PTPRB: variants seen among roughly 807,000 people sequenced by gnomAD.
PTPRB encodes protein tyrosine phosphatase receptor type B, also known as receptor-type tyrosine-protein phosphatase beta.
Under a neutral mutation model 238.1 loss-of-function variants are expected in PTPRB, and 97 were observed. The ratio of observed to expected loss-of-function variants is 0.41; its 90% CI spans 0.35 to 0.48. PTPRB has a LOEUF of 0.48. Ranked by LOEUF, PTPRB falls within the 20% of genes least tolerant of loss-of-function variation. The pLI, the probability that PTPRB is intolerant of heterozygous loss-of-function variation, is 0.30. For missense variants in PTPRB, 2,292 were observed against 2,681.9 expected, an observed-to-expected ratio of 0.85 and a Z score of 3.21; for synonymous variants, 970 against 995.4, an observed-to-expected ratio of 0.97 and a Z score of 0.48.
rs747379142 is a variant in PTPRB at position 70,566,421 on chromosome 12, G to T, written c.3904+14C>A. ...GGCAATATGTGCTACAAAACATTATGCTGTGCTAATTACCTGTTCGGCCTT... is the reference window on the plus strand; with the variant it reads ...GGCAATATGTGCTACAAAACATTATTCTGTGCTAATTACCTGTTCGGCCTT... On this transcript the variant is annotated intron_variant, in intron 15 of 33. Coordinates refer to ENST00000334414, the MANE Select transcript of PTPRB (RefSeq NM_001109754.4). The T allele has an allele frequency of 1.9e-5, 31 of 1,612,502 alleles. No individual in the cohort carries two copies. Among genetic ancestry groups the T allele is most frequent in the Non-Finnish European group, 2.5e-5 (29 of 1,179,102 alleles).
intron 18 of PTPRB, 163 bp downstream of exon 18, chr12:70,559,180 T>A: frequency 1.4e-6 from 1 of 729,344 alleles, no homozygotes; most frequent in Non-Finnish European, 2.3e-6. Flanking sequence ...TTGTTGTTAA[T>A]GTTGAATGAA....
Position 70,622,480 on chromosome 12 carries a change from C to T in PTPRB, c.618G>A (p.Glu206=). The T allele has an allele frequency of 6.2e-7, 1 of 1,613,480 alleles. No homozygotes were observed. Among genetic ancestry groups the T allele is most frequent in the South Asian group, 1.1e-5 (1 of 91,074 alleles). Residue 206 remains glutamate (E), a synonymous_variant, in exon 3 of 34, where the codon GAG becomes GAA. Transcript: ENST00000334414. ...TCATGTGCAGATTGGGATGCTGCCT[C>T]TCGCTGCTGTTTTGGCTGTAGTTTT... ...AAENYSQNSS[E]RQHPNLHMTG... is the part of the protein sequence containing the mutation.
At chr12:70,576,345 G>A in intron 11 of PTPRB, 37 bp downstream of exon 11, 3 of 1,597,420 alleles carry the variant, frequency 1.9e-6, no homozygotes, top group Non-Finnish European at 2.6e-6. Flanking sequence ...CATGTGAATT[G>A]GTTCTTACGG....
Position 70,559,228 on chromosome 12 carries a change from C to T in PTPRB, c.4714+115G>A, listed in dbSNP as rs1252983395. ...CAGAGACTTCTGCCTGAATTCAAAT[C>T]CAGACCAATCCCATGTAAAAATATG... is the stretch of plus-strand genomic sequence containing the variant. On this transcript the variant is annotated intron_variant, in intron 18 of 33. Transcript: ENST00000334414. 12 of 1,156,104 alleles carry T rather than the reference C, an allele frequency of 1.0e-5. No homozygotes were observed. In the Admixed American group the frequency reaches 1.3e-4, roughly 12 times the overall value. The allele number at this position is 1,156,104 out of a possible 1,614,324, so 71.6% of individuals were successfully genotyped here.
chr12:70,585,344 T>C (rs11178310), intron 9 of PTPRB: 6,976 of 152,232 alleles, frequency 0.046, 392 homozygotes, highest in East Asian at 0.23. Flanking sequence ...CCTACAACGA[T>C]CCACCTATTG....
chr12:70,538,261 G>A, intron 27 of PTPRB, 30 bp from the exon 28 acceptor site: 1 of 1,591,552 alleles, frequency 6.3e-7, no homozygotes, highest in East Asian at 2.2e-5. Context: ...GCTGAGTCTT[G>A]GAGTGACTTT....
Position 70,539,984 on chromosome 12 carries a change from C to T in PTPRB, c.5633G>A (p.Arg1878His), listed in dbSNP as rs778052516. ...GTGGACAGATAATGGTCGATCCCTA[C>T]GAATGCTCAGACGGGCAGAGGGTCT... ...RERPSARLSI[R>H]RDRPLSVHLN... The change falls in exon 24 of 34, where the codon CGT (arginine) becomes CAT (histidine). Residue 1878 changes from arginine (R) to histidine (H), a missense_variant. Arg to His is a conservative substitution (Grantham distance 29, BLOSUM62 0). This residue lies in a region of PTPRB where 397 missense variants were observed against 502.0 expected (regional missense o/e 0.79). Coordinates refer to ENST00000334414, the MANE Select transcript of PTPRB (RefSeq NM_001109754.4). 18 of 1,611,650 alleles carry T rather than the reference C, an allele frequency of 1.1e-5. No homozygotes were observed. The highest frequency in any genetic ancestry group is 2.7e-5 in the African/African-American group (2 of 74,882).
chr12:70,553,068 G>C (rs759690345), intron 20 of PTPRB, 48 bp from the exon 21 acceptor site: 1 of 1,555,900 alleles, frequency 6.4e-7, no homozygotes, highest in East Asian at 2.3e-5. Flanking sequence ...TGTGACTTAG[G>C]TGATTTCAGT....
In PTPRB at chr12:70,538,250, T is replaced by A. The variant is rs1425591051; in HGVS notation, c.5870-19A>T. 6.2e-7 allele frequency: 1 copy of A among 1,607,912 alleles called. No homozygotes were observed. The highest frequency in any genetic ancestry group is 8.5e-7 in the Non-Finnish European group (1 of 1,176,098). On this transcript the variant is annotated intron_variant, in intron 27 of 33. Transcript: ENST00000334414. ...GCATCATCTGGAAGGAGAGATTTGC[T>A]GCTGAGTCTTGGAGTGACTTTTCTA...
chr12:70,562,107 C>T (rs1276927308), intron 16 of PTPRB, among the ~76,000 whole-genome samples: 3 of 152,082 alleles, frequency 2.0e-5, no homozygotes, highest in Admixed American at 2.0e-4. Context: ...CCCATCTCTA[C>T]AAAAAATAAA....
intron 2 of PTPRB, among the ~76,000 whole-genome samples, chr12:70,627,834 GT>G (rs1885274118): frequency 6.6e-6 from 1 of 152,104 alleles, no homozygotes; most frequent in Non-Finnish European, 1.5e-5. Context: ...TACAAGTAGG[GT>G]TTGTATACAC....
chr12:70,620,191 C>G (rs1417566925), intron 3 of PTPRB, among the ~76,000 whole-genome samples: 2 of 152,206 alleles, frequency 1.3e-5, no homozygotes, highest in African/African-American at 4.8e-5. Flanking sequence ...CATATAAACA[C>G]TGCAGTGAAT....
chr12:70,537,268 C>A (rs1874283846), intron 28 of PTPRB, among the ~76,000 whole-genome samples: 1 of 116,752 alleles, frequency 8.6e-6, no homozygotes, highest in Admixed American at 1.1e-4. Flanking sequence ...GCCTGGCAGA[C>A]AGAGCAAGAC....
In PTPRB at chr12:70,534,555, A is replaced by G; in HGVS notation, c.6301T>C (p.Phe2101Leu). The G allele has an allele frequency of 6.2e-7, 1 of 1,613,314 alleles. No individual in the cohort carries two copies. Among genetic ancestry groups the G allele is most frequent in the South Asian group, 1.1e-5 (1 of 90,838 alleles). ...VPETTQSLIQ[F>L]VRTVRDYINR... ...ATGTAGTCCCTGACAGTTCTCACAA[A>G]CTGGATCAGAGACTGGGTGGTTTCT... Residue 2101 changes from phenylalanine to leucine, a missense_variant, in exon 31 of 34, where the codon TTT (phenylalanine) becomes CTT (leucine). Physicochemically the swap from Phe to Leu is conservative, Grantham distance 22. Around this residue, in one of 4 missense-constraint regions of PTPRB, gnomAD observed 397 missense variants for 502.0 expected, o/e 0.79. Coordinates refer to ENST00000334414, the MANE Select transcript of PTPRB (RefSeq NM_001109754.4).
Position 70,571,156 on chromosome 12 carries a change from A to C in PTPRB, c.3240T>G (p.Pro1080=), listed in dbSNP as rs372514985. 3.7e-6 allele frequency: 6 copies of C among 1,614,010 alleles called. No homozygotes were observed. In the African/African-American group the frequency reaches 8.0e-5, roughly 22 times the overall value. The part of the protein sequence containing the change: ...QLLFNDMKVF[P]PFHLVNTATE... ...TTGCGGTATTTACAAGGTGAAAAGG[A>C]GGAAATACTTTCATGTCATTGAAGA... Residue 1080 remains proline (P), a synonymous_variant, in exon 13 of 34, where the codon CCT becomes CCG. Coordinates refer to ENST00000334414, the MANE Select transcript of PTPRB (RefSeq NM_001109754.4).
At chr12:70,601,790 C>CTT (rs200227553) in intron 4 of PTPRB, among the ~76,000 whole-genome samples, 53 of 127,544 alleles carry the variant, frequency 4.2e-4, no homozygotes, top group East Asian at 6.8e-4. Flanking sequence ...TTTCTTTTTT[C>CTT]TTTTTTTTTT....
chr12:70,630,409 G>A (rs2136604692), intron 2 of PTPRB, among the ~76,000 whole-genome samples: 1 of 152,208 alleles, frequency 6.6e-6, no homozygotes. Context: ...GGTATTGATG[G>A]AACAGATCTC....
intron 2 of PTPRB, among the ~76,000 whole-genome samples, chr12:70,623,341 C>G (rs1885031135): frequency 6.6e-6 from 1 of 151,990 alleles, no homozygotes; most frequent in South Asian, 2.1e-4. Context: ...CTGAATTGCC[C>G]ATATTAAAAA....
intron 2 of PTPRB, among the ~76,000 whole-genome samples, chr12:70,631,865 C>G (rs910494981): frequency 6.6e-5 from 10 of 152,206 alleles, no homozygotes; most frequent in African/African-American, 2.4e-4. Context: ...AAATGCAAAT[C>G]AAAACCACAA....
Sources: gnomAD v4.1 joint callset for allele counts (sites outside exome capture counted in the v4.1 genomes callset) on GRCh38, gnomAD v4.1.1 for gene constraint, gnomAD v4.1.1 regional missense constraint, MANE v1.5 for transcripts, NCBI Gene and HGNC (gene_info 2026-07-23, HGNC 2026-07-21) for gene names.